The following MAML2 variants were observed in gnomAD, a reference collection of about 807,000 sequenced individuals.
MAML2 encodes mastermind like transcriptional coactivator 2, also known as mastermind-like protein 2.
A neutral mutation model predicts 96.1 loss-of-function variants in MAML2; 22 were observed. The ratio of observed to expected loss-of-function variants is 0.23; its 90% confidence interval spans 0.16 to 0.33. The LOEUF (loss-of-function observed/expected upper bound fraction) is 0.33. MAML2 is among the 10% of genes least tolerant of loss of function. The pLI is 1.00. For missense variants in MAML2, 1,367 were observed against 1,392.4 expected, an observed-to-expected ratio of 0.98 and a Z score of 0.29; for synonymous variants, 561 against 521.3, an observed-to-expected ratio of 1.08 and a Z score of -1.04.
chr11:96,226,867 CT>C (rs1436049005), intron 1 of MAML2, among the ~76,000 whole-genome samples: 2 of 152,140 alleles, frequency 1.3e-5, no homozygotes, highest in Non-Finnish European at 2.9e-5. Flanking sequence ...CCCCTAAAAA[CT>C]TTAAATTTGT....
intron 1 of MAML2, among the ~76,000 whole-genome samples, chr11:96,161,682 C>T (rs764953918): frequency 9.2e-5 from 14 of 152,222 alleles, no homozygotes; most frequent in Non-Finnish European, 1.6e-4. Context: ...TCACGTTCAG[C>T]ATTCCTATGT....
At chr11:96,336,151 A>G (rs1261596710) in intron 1 of MAML2, among the ~76,000 whole-genome samples, 4 of 145,794 alleles carry the variant, frequency 2.7e-5, no homozygotes, top group Non-Finnish European at 5.9e-5. Context: ...TAAGTATAAC[A>G]TAGGGACCTG....
At chr11:96,108,938 G>T (rs1860073180) in intron 1 of MAML2, among the ~76,000 whole-genome samples, 2 of 151,816 alleles carry the variant, frequency 1.3e-5, no homozygotes, top group African/African-American at 4.8e-5. Context: ...GGACTGTGGT[G>T]GGAGGATCGC....
intron 1 of MAML2, among the ~76,000 whole-genome samples, chr11:96,245,154 A>T (rs898324839): frequency 6.6e-6 from 1 of 152,110 alleles, no homozygotes; most frequent in Admixed American, 6.5e-5. Context: ...AATTTTCCAA[A>T]TAATTTGCAA....
rs1376704977 is a variant in MAML2, at chr11:95,991,657, T to G, written c.2206A>C (p.Asn736His). 2 of 1,613,746 alleles carry G rather than the reference T, an allele frequency of 1.2e-6. No homozygotes were observed. Among genetic ancestry groups the G allele is most frequent in the Non-Finnish European group, 1.7e-6 (2 of 1,179,722 alleles). The change falls in exon 3 of 5, where the codon AAC (asparagine) becomes CAC (histidine). Residue 736 changes from asparagine (N) to histidine (H), a missense_variant. Asn to His is a moderately conservative substitution (Grantham distance 68). Transcript: ENST00000524717. ...SPSPNPCSNP[N>H]TGSGYMNSQQ... ...GAGTTCATGTAACCACTTCCAGTGT[T>G]TGGATTTGAGCAGGGGTTAGGACTT...
intron 1 of MAML2, among the ~76,000 whole-genome samples, chr11:96,288,512 A>G (rs911884890): frequency 6.6e-6 from 1 of 150,426 alleles, no homozygotes; most frequent in Non-Finnish European, 1.5e-5. Flanking sequence ...CTTGCACTCC[A>G]GCTCGGGTGA....
At chr11:96,115,729 T>C (rs949121986) in intron 1 of MAML2, among the ~76,000 whole-genome samples, 5 of 152,034 alleles carry the variant, frequency 3.3e-5, no homozygotes, top group Admixed American at 3.3e-4. Flanking sequence ...TGGAGAAACA[T>C]AAAGCACAGT....
chr11:96,081,668 A>C (rs1859531238), intron 2 of MAML2, among the ~76,000 whole-genome samples: 1 of 152,226 alleles, frequency 6.6e-6, no homozygotes, highest in Non-Finnish European at 1.5e-5. Flanking sequence ...CTTATTTGCA[A>C]TGAGAAGCAA....
chr11:96,068,782 A>G (rs1042210004), intron 2 of MAML2, among the ~76,000 whole-genome samples: 18 of 150,586 alleles, frequency 1.2e-4, no homozygotes, highest in Non-Finnish European at 1.8e-4. Context: ...GTGAGCTGAG[A>G]TGGCGCCATT....
rs71040130 is a variant in MAML2, at chr11:96,121,950, C to CTTTTTTTTTTTTTTTT, written c.514-28449_514-28434dup. On this transcript the variant is annotated intron_variant, in intron 1 of 4. Transcript: ENST00000524717. Reference sequence around the variant, plus strand: ...TACAGGCACCCGCCACCACGCCCGGCTTTTTTTTTTTTTTTTTTTTTTTTT... The same window carrying CTTTTTTTTTTTTTTTT: ...TACAGGCACCCGCCACCACGCCCGGCTTTTTTTTTTTTTTTTTTTTTTTTTTTTTTTTTTTTTTTTT... Among the ~76,000 whole-genome samples the CTTTTTTTTTTTTTTTT allele has an allele frequency of 5.1e-4, 29 of 56,848 alleles. 3 individuals are homozygous for CTTTTTTTTTTTTTTTT. Among genetic ancestry groups the CTTTTTTTTTTTTTTTT allele is most frequent in the East Asian group, 1.2e-3 (2 of 1,734 alleles). The allele number at this position is 56,848 out of a possible 152,430, so 37.3% of individuals were successfully genotyped here.
intron 2 of MAML2, among the ~76,000 whole-genome samples, chr11:96,062,561 A>T (rs1174425606): frequency 6.6e-6 from 1 of 152,232 alleles, no homozygotes; most frequent in Non-Finnish European, 1.5e-5. Context: ...GGATTCTGAA[A>T]TATGGAGTGG....
At chr11:96,028,413 A>C (rs890708099) in intron 2 of MAML2, among the ~76,000 whole-genome samples, 1 of 152,150 alleles carries the variant, frequency 6.6e-6, no homozygotes, top group African/African-American at 2.4e-5. Flanking sequence ...CCTCGACCCC[A>C]AGATTAATTT....
At chr11:96,264,913 A>G (rs1862805547) in intron 1 of MAML2, among the ~76,000 whole-genome samples, 1 of 152,234 alleles carries the variant, frequency 6.6e-6, no homozygotes, top group Non-Finnish European at 1.5e-5. Flanking sequence ...TTCTTCAGCT[A>G]TAAGCCCACT....
At chr11:96,200,849 T>C (rs1055821392) in intron 1 of MAML2, among the ~76,000 whole-genome samples, 3 of 152,178 alleles carry the variant, frequency 2.0e-5, no homozygotes, top group Admixed American at 1.3e-4. Flanking sequence ...TGGTACCATC[T>C]CTTAATCACA....
At chr11:96,051,488 C>A (rs1195413764) in intron 2 of MAML2, among the ~76,000 whole-genome samples, 1 of 152,044 alleles carries the variant, frequency 6.6e-6, no homozygotes, top group Non-Finnish European at 1.5e-5. Flanking sequence ...ATTTTATAGA[C>A]AATAAATTTG....
At chr11:96,276,692 C>T (rs936229291) in intron 1 of MAML2, among the ~76,000 whole-genome samples, 4 of 151,792 alleles carry the variant, frequency 2.6e-5, no homozygotes, top group African/African-American at 9.7e-5. Context: ...GCCTTTAAAA[C>T]ACCAATCAGG....
chr11:96,022,826 G>GT (rs35440687), intron 2 of MAML2, among the ~76,000 whole-genome samples: 4,668 of 152,246 alleles, frequency 0.031, 165 homozygotes, highest in Admixed American at 0.079. Flanking sequence ...ATTATAAAGT[G>GT]TTTTTTACAG....
intron 1 of MAML2, among the ~76,000 whole-genome samples, chr11:96,290,263 G>A (rs483905): frequency 0.26 from 39,706 of 152,002 alleles, 5,321 homozygotes; most frequent in East Asian, 0.32. Flanking sequence ...TTTCAATCCA[G>A]TAGAGACCAC....
At chr11:96,199,775 A>C (rs997240207) in intron 1 of MAML2, among the ~76,000 whole-genome samples, 1 of 152,238 alleles carries the variant, frequency 6.6e-6, no homozygotes, top group African/African-American at 2.4e-5. Context: ...GACTCATGTG[A>C]ATATGCATCA....
Sources: gnomAD v4.1 joint callset for allele counts (sites outside exome capture counted in the v4.1 genomes callset) on GRCh38, gnomAD v4.1.1 for gene constraint, MANE v1.5 for transcripts, NCBI Gene and HGNC (gene_info 2026-07-23, HGNC 2026-07-21) for gene names.